Variants in GLIS3 observed in about 807,000 individuals in gnomAD.
GLIS3 encodes the protein GLIS family zinc finger 3.
GLIS3 carries 53 observed loss-of-function variants against 78.6 expected under a neutral mutation model. That is an observed-to-expected ratio of 0.67 (90% CI 0.54 to 0.85). The LOEUF (loss-of-function observed/expected upper bound fraction) is 0.85, where lower values mean the gene tolerates loss of function less well. GLIS3 is among the 40% of genes least tolerant of loss of function. The pLI is 0.00. For missense variants in GLIS3, 1,703 were observed against 1,231.1 expected (o/e 1.38, Z -5.74); for synonymous variants, 684 against 509.9 (o/e 1.34, Z -4.60).
At chr9:4,192,261 A>G (rs1418069941) in intron 2 of GLIS3, among the ~76,000 whole-genome samples, 1 of 152,228 alleles carries the variant, frequency 6.6e-6, no homozygotes, top group Non-Finnish European at 1.5e-5. Flanking sequence ...GTGCCAGAAA[A>G]TGTCTTTTAG....
At chr9:4,017,403 T>C (rs764537353) in intron 4 of GLIS3, among the ~76,000 whole-genome samples, 10 of 152,144 alleles carry the variant, frequency 6.6e-5, no homozygotes, top group Non-Finnish European at 1.3e-4. Context: ...AAAGATACAC[T>C]GTCCAAGAAG....
intron 2 of GLIS3, among the ~76,000 whole-genome samples, chr9:4,265,311 A>G (rs1303094616): frequency 2.0e-5 from 3 of 152,020 alleles, no homozygotes; most frequent in Admixed American, 6.6e-5. Context: ...TTTCTCATGT[A>G]CCAGGCATTA....
intron 2 of GLIS3, among the ~76,000 whole-genome samples, chr9:4,279,052 A>G (rs1412067360): frequency 2.0e-5 from 3 of 152,184 alleles, no homozygotes; most frequent in African/African-American, 7.2e-5. Context: ...CTGTAATCCC[A>G]GCACTTTGGG....
chr9:3,829,925 G>A (rs1446107229), intron 9 of GLIS3, among the ~76,000 whole-genome samples: 1 of 152,166 alleles, frequency 6.6e-6, no homozygotes, highest in Non-Finnish European at 1.5e-5. Context: ...TCTTAAAAAG[G>A]CCCGCTTAAA....
the GLIS3 span, among the ~76,000 whole-genome samples, chr9:4,471,054 T>A: frequency 2.6e-5 from 4 of 151,990 alleles, no homozygotes; most frequent in Non-Finnish European, 4.4e-5. Flanking sequence ...ACAAGGGATG[T>A]GAAGGACCTC....
At chr9:3,864,487 C>G (rs1431080481) in intron 8 of GLIS3, among the ~76,000 whole-genome samples, 1 of 152,174 alleles carries the variant, frequency 6.6e-6, no homozygotes, top group Non-Finnish European at 1.5e-5. Context: ...CTTGAACACA[C>G]CAGCAGAACT....
At chr9:4,262,166 G>A (rs758086976) in intron 2 of GLIS3, among the ~76,000 whole-genome samples, 44 of 152,096 alleles carry the variant, frequency 2.9e-4, no homozygotes, top group Non-Finnish European at 5.1e-4. Context: ...GCAGTGCAAG[G>A]GGGAGAAAAA....
chr9:4,149,425 C>T (rs749965193), intron 2 of GLIS3, among the ~76,000 whole-genome samples: 7 of 152,182 alleles, frequency 4.6e-5, no homozygotes, highest in East Asian at 1.9e-4. Flanking sequence ...TTAACCATCA[C>T]CTCCCACATA....
At chr9:4,421,265 A>G in the GLIS3 span, among the ~76,000 whole-genome samples, 1 of 152,218 alleles carries the variant, frequency 6.6e-6, no homozygotes, top group Non-Finnish European at 1.5e-5. Context: ...CTCGTCCCAC[A>G]GGACAGGAAA....
the GLIS3 span, among the ~76,000 whole-genome samples, chr9:4,431,995 C>CT: frequency 3.9e-5 from 6 of 152,202 alleles, no homozygotes; most frequent in African/African-American, 1.2e-4. Context: ...TCCAGTAAAA[C>CT]TTTTTTTACA....
chr9:4,391,092 G>C, the GLIS3 span, among the ~76,000 whole-genome samples: 33,325 of 151,702 alleles, frequency 0.22, 4,345 homozygotes, highest in East Asian at 0.36. Flanking sequence ...GCCCACCATC[G>C]CTGCCAGGAT....
At chr9:4,411,318 C>A in the GLIS3 span, among the ~76,000 whole-genome samples, 1 of 152,146 alleles carries the variant, frequency 6.6e-6, no homozygotes, top group African/African-American at 2.4e-5. Context: ...ATCTCTACGC[C>A]TTTTTCATTA....
the GLIS3 span, among the ~76,000 whole-genome samples, chr9:4,386,153 CAAG>C: frequency 6.6e-6 from 1 of 152,050 alleles, no homozygotes; most frequent in African/African-American, 2.4e-5. Context: ...GGGAGAAAAA[CAAG>C]AGAGAGAGAA....
At chr9:4,015,207 C>T (rs1427145542) in intron 4 of GLIS3, among the ~76,000 whole-genome samples, 1 of 152,092 alleles carries the variant, frequency 6.6e-6, no homozygotes. Flanking sequence ...GCATGGAAGG[C>T]CGTGTGTGCA....
chr9:4,466,339 C>G, the GLIS3 span, among the ~76,000 whole-genome samples: 2 of 152,030 alleles, frequency 1.3e-5, no homozygotes, highest in African/African-American at 4.8e-5. Flanking sequence ...AACTCCAGGC[C>G]CAGATGGCTT....
In GLIS3 at chr9:3,977,696, C is replaced by T. The variant is rs930289390; in HGVS notation, c.1711-40507G>A. Among the ~76,000 whole-genome samples, 2 of 152,144 alleles carry T rather than the reference C, an allele frequency of 1.3e-5. No individual in the cohort carries two copies. The highest frequency in any genetic ancestry group is 4.8e-5 in the African/African-American group (2 of 41,436). On this transcript the variant is annotated intron_variant, in intron 4 of 10. Coordinates refer to ENST00000381971, the MANE Select transcript of GLIS3 (RefSeq NM_001042413.2). This position sits in a 1 kb window ranked among gnomAD's most constrained non-coding sequence, Gnocchi z 4.1. ...TAGTTCAAAGATCATAGAGATGTTACTTTACTTTAATAGTTCTTTTATACA... is the reference window on the plus strand; with the variant it reads ...TAGTTCAAAGATCATAGAGATGTTATTTTACTTTAATAGTTCTTTTATACA...
chr9:4,471,288 G>A, the GLIS3 span, among the ~76,000 whole-genome samples: 219 of 152,220 alleles, frequency 1.4e-3, no homozygotes, highest in African/African-American at 4.7e-3. Context: ...AAAAGAGCCC[G>A]CATTGCCAAG....
At chr9:4,451,785 T>C in the GLIS3 span, among the ~76,000 whole-genome samples, 607 of 152,200 alleles carry the variant, frequency 4.0e-3, 3 homozygotes, top group African/African-American at 0.014. Flanking sequence ...AATAAAGATG[T>C]TCTTTGAAAC....
At chr9:4,265,872 G>A (rs1380350968) in intron 2 of GLIS3, among the ~76,000 whole-genome samples, 2 of 151,310 alleles carry the variant, frequency 1.3e-5, no homozygotes, top group Admixed American at 6.6e-5. Context: ...AAAGCAGAAT[G>A]TTTTAGTAAA....
Sources: gnomAD v4.1 joint callset for allele counts (sites outside exome capture counted in the v4.1 genomes callset) on GRCh38, gnomAD v4.1.1 for gene constraint, Gnocchi (gnomAD v3.1) non-coding constraint, MANE v1.5 for transcripts, NCBI Gene and HGNC (gene_info 2026-07-23, HGNC 2026-07-21) for gene names.